The following DAB1 variants were observed in gnomAD, a reference collection of about 807,000 sequenced individuals.
DAB1 encodes the protein disabled homolog 1.
DAB1 carries 15 observed loss-of-function variants against 64.6 expected under a neutral mutation model. That is an observed-to-expected ratio of 0.23 (90% CI 0.16 to 0.36). The LOEUF is 0.36. Among genes scored for constraint, DAB1 ranks in the 10% least tolerant of loss-of-function variants. The pLI is 1.00. For synonymous variants in DAB1, 235 were observed against 251.9 expected (o/e 0.93, Z 0.64); for missense variants, 596 against 706.7 (o/e 0.84, Z 1.78).
chr1:57,169,521 T>C (rs1044105026), intron 2 of DAB1, among the ~76,000 whole-genome samples: 1 of 152,210 alleles, frequency 6.6e-6, no homozygotes, highest in African/African-American at 2.4e-5. Context: ...CAAGATACTG[T>C]TGACAAAGAT....
chr1:57,983,697 C>G (rs913666021), intron 5 of DAB1, among the ~76,000 whole-genome samples: 3 of 152,208 alleles, frequency 2.0e-5, no homozygotes, highest in Non-Finnish European at 2.9e-5. Context: ...CAACTGGAGG[C>G]TGTCTCACAC....
At chr1:57,840,974 A>C (rs1653023200) in intron 1 of DAB1, among the ~76,000 whole-genome samples, 1 of 152,170 alleles carries the variant, frequency 6.6e-6, no homozygotes, top group African/African-American at 2.4e-5. Context: ...CAAAAGTCCA[A>C]GTCCAAAGTC....
At chr1:57,509,183 A>G (rs991335416) in intron 7 of DAB1, among the ~76,000 whole-genome samples, 4 of 152,142 alleles carry the variant, frequency 2.6e-5, no homozygotes, top group African/African-American at 9.7e-5. Flanking sequence ...TCTCATCGCT[A>G]AAACCTCCTC....
intron 6 of DAB1, among the ~76,000 whole-genome samples, chr1:57,692,743 G>A (rs1442836749): frequency 6.6e-6 from 1 of 152,164 alleles, no homozygotes; most frequent in Non-Finnish European, 1.5e-5. Context: ...CTCTTTGGCA[G>A]CAGTGACTCA....
At chr1:57,071,287 C>G (rs1172266493) in intron 6 of DAB1, 1 of 654,236 alleles carries the variant, frequency 1.5e-6, no homozygotes, top group Non-Finnish European at 2.6e-6. Context: ...CTTGGGTCCT[C>G]CACCCCTGAA....
At chr1:57,186,288 C>G (rs1016368367) in intron 2 of DAB1, among the ~76,000 whole-genome samples, 6 of 152,130 alleles carry the variant, frequency 3.9e-5, no homozygotes, top group Non-Finnish European at 7.3e-5. Flanking sequence ...ATGGGAAAAA[C>G]CAACTCACAA....
intron 9 of DAB1, among the ~76,000 whole-genome samples, chr1:57,043,995 C>T (rs1293430551): frequency 6.6e-6 from 1 of 152,192 alleles, no homozygotes; most frequent in Non-Finnish European, 1.5e-5. Context: ...CCATGTTCTC[C>T]CTTCATGGTG....
intron 5 of DAB1, among the ~76,000 whole-genome samples, chr1:57,988,794 T>C (rs1267362229): frequency 1.3e-5 from 2 of 152,192 alleles, no homozygotes; most frequent in Non-Finnish European, 2.9e-5. Context: ...CAAATTACCC[T>C]AGAGCCTCTT....
At chr1:58,291,843 G>GATGGTTA (rs1661847845) in intron 4 of DAB1, among the ~76,000 whole-genome samples, 1 of 152,170 alleles carries the variant, frequency 6.6e-6, no homozygotes, top group Non-Finnish European at 1.5e-5. Context: ...TCTTAACTGT[G>GATGGTTA]ATGGTTAATT....
chr1:58,232,302 C>A (rs186312116), intron 4 of DAB1, among the ~76,000 whole-genome samples: 51 of 152,274 alleles, frequency 3.3e-4, no homozygotes, highest in African/African-American at 1.2e-3. Flanking sequence ...CTGCCCATGC[C>A]ATGGAGCTAG....
At chr1:58,362,738 C>T (rs1305885802) in intron 3 of DAB1, among the ~76,000 whole-genome samples, 1 of 152,154 alleles carries the variant, frequency 6.6e-6, no homozygotes, top group African/African-American at 2.4e-5. Context: ...ATGAGGAAAG[C>T]ACATTAGATC....
At chr1:57,886,745 T>C (rs182295495), upstream of DAB1, among the ~76,000 whole-genome samples, 41 of 152,282 alleles carry the variant, frequency 2.7e-4, no homozygotes, top group Admixed American at 2.4e-3. Context: ...CTTGTAGACT[T>C]TGGACTCAAA....
chr1:57,758,379 C>T (rs527537321), intron 6 of DAB1, among the ~76,000 whole-genome samples: 41 of 152,066 alleles, frequency 2.7e-4, no homozygotes, highest in Non-Finnish European at 5.3e-4. Context: ...TGTTTATTTC[C>T]ACTCCAAAGG....
intron 2 of DAB1, among the ~76,000 whole-genome samples, chr1:57,205,820 T>C (rs1481924526): frequency 6.6e-6 from 1 of 152,188 alleles, no homozygotes; most frequent in Non-Finnish European, 1.5e-5. Context: ...CCTAATTTCA[T>C]TAATATGTAC....
intron 4 of DAB1, among the ~76,000 whole-genome samples, chr1:58,162,145 G>A (rs1655570985): frequency 6.6e-6 from 1 of 152,126 alleles, no homozygotes; most frequent in African/African-American, 2.4e-5. Context: ...TCAAAGTGCA[G>A]AATCAGCCTT....
intron 6 of DAB1, among the ~76,000 whole-genome samples, chr1:57,797,190 C>A (rs1257170602): frequency 2.0e-5 from 3 of 152,190 alleles, no homozygotes; most frequent in African/African-American, 7.2e-5. Flanking sequence ...TTTCCTCTTT[C>A]CAAACAACTC....
At chr1:57,804,395 G>T (rs1651268620) in intron 6 of DAB1, among the ~76,000 whole-genome samples, 1 of 152,132 alleles carries the variant, frequency 6.6e-6, no homozygotes, top group Non-Finnish European at 1.5e-5. Flanking sequence ...TCAGCAAATG[G>T]CTCAGTGGTC....
rs529746745 is a variant in DAB1, at chr1:58,143,672, C to T, written n.387+6839G>A. On this transcript the variant is annotated intron_variant and non_coding_transcript_variant, in intron 5 of 20. Coordinates refer to the DAB1 transcript ENST00000485760. Reference sequence around the variant, plus strand: ...CAGGTCAAAATCCTGCTCCCTGGAACACAAAAACTACCTAGAATAAAAGTC... The same window carrying T: ...CAGGTCAAAATCCTGCTCCCTGGAATACAAAAACTACCTAGAATAAAAGTC... 3.3e-5 allele frequency among the ~76,000 whole-genome samples: 5 copies of T among 152,256 alleles called. No homozygotes were observed. The South Asian group carries it at 8.3e-4, about 25-fold the overall frequency.
intron 1 of DAB1, among the ~76,000 whole-genome samples, chr1:57,369,359 A>G (rs1253681092): frequency 6.6e-6 from 1 of 152,232 alleles, no homozygotes; most frequent in Non-Finnish European, 1.5e-5. Flanking sequence ...CATTCAAGGG[A>G]TTATCTAAAA....
Sources: gnomAD v4.1 joint callset for allele counts (sites outside exome capture counted in the v4.1 genomes callset) on GRCh38, gnomAD v4.1.1 for gene constraint, MANE v1.5 for transcripts, NCBI Gene and HGNC (gene_info 2026-07-23, HGNC 2026-07-21) for gene names.